CCDC171: variants seen among roughly 807,000 people sequenced by gnomAD.
The protein encoded by CCDC171 is coiled-coil domain containing 171.
In CCDC171, 177 loss-of-function variants were observed where a neutral mutation model predicts 168.2. The observed-to-expected ratio is 1.05, with a 90% CI of 0.93 to 1.19. The LOEUF (loss-of-function observed/expected upper bound fraction) is 1.19. CCDC171 is among the 50% of genes most tolerant of loss of function. CCDC171 has a pLI of 0.00. For missense variants in CCDC171, 1,991 were observed against 1,539.0 expected, an observed-to-expected ratio of 1.29 and a Z score of -4.91; for synonymous variants, 687 against 540.8, an observed-to-expected ratio of 1.27 and a Z score of -3.75.
chr9:16,007,419 A>G (rs975999519), intron 3 of CCDC171, among the ~76,000 whole-genome samples: 9 of 152,154 alleles, frequency 5.9e-5, no homozygotes, highest in African/African-American at 2.2e-4. Context: ...TTTGCTGTGC[A>G]GAAGCTCTTT....
In CCDC171 at chr9:15,595,417, C is replaced by T. The variant is rs191534436; in HGVS notation, c.675+1245C>T. Among the ~76,000 whole-genome samples the T allele has an allele frequency of 5.9e-5, 9 of 152,116 alleles. No individual in the cohort carries two copies. In the East Asian group the frequency reaches 9.7e-4, roughly 16 times the overall value. On this transcript the variant is annotated intron_variant, in intron 6 of 25. Transcript: ENST00000380701. ...TGTGGTGTTTGGTTTTTTCTCCTTG[C>T]GATAGTTTGCTGAGAATGATGGTTT...
At chr9:15,714,100 T>G (rs1187225733) in intron 11 of CCDC171, among the ~76,000 whole-genome samples, 3 of 152,194 alleles carry the variant, frequency 2.0e-5, no homozygotes, top group Non-Finnish European at 2.9e-5. Flanking sequence ...TGTCATTCTG[T>G]AAGATCCATC....
chr9:15,678,158 G>A (rs1010286386), intron 9 of CCDC171, among the ~76,000 whole-genome samples: 88 of 151,536 alleles, frequency 5.8e-4, no homozygotes, highest in Non-Finnish European at 1.3e-4. Flanking sequence ...TGATCTTCCT[G>A]CTATGGACTG....
At chr9:15,643,609 A>G (rs554728118) in intron 7 of CCDC171, among the ~76,000 whole-genome samples, 8 of 152,210 alleles carry the variant, frequency 5.3e-5, no homozygotes, top group African/African-American at 1.9e-4. Flanking sequence ...AAAGTATACA[A>G]TTCAATGCTT....
intron 18 of CCDC171, among the ~76,000 whole-genome samples, chr9:15,762,305 T>C (rs753629779): frequency 4.6e-5 from 7 of 152,006 alleles, no homozygotes; most frequent in Non-Finnish European, 8.8e-5. Context: ...TTAGAAAAAA[T>C]TTTTACCTCC....
intron 1 of CCDC171, among the ~76,000 whole-genome samples, chr9:16,046,222 A>T (rs892839398): frequency 6.6e-6 from 1 of 152,184 alleles, no homozygotes; most frequent in African/African-American, 2.4e-5. Flanking sequence ...GCTCCAACAC[A>T]TGGATGGATG....
At chr9:15,603,615 G>A (rs2043020223) in intron 6 of CCDC171, among the ~76,000 whole-genome samples, 1 of 152,114 alleles carries the variant, frequency 6.6e-6, no homozygotes, top group Non-Finnish European at 1.5e-5. Context: ...GTATTCTATG[G>A]TGTATATATA....
At chr9:15,695,437 C>T (rs2051141487) in intron 11 of CCDC171, 100 bp downstream of exon 11, 1 of 856,004 alleles carries the variant, frequency 1.2e-6, no homozygotes, top group Non-Finnish European at 2.0e-6. Context: ...CTCATCTCAA[C>T]ATGTTTTGAT....
At chr9:15,596,130 T>C (rs200061639) in intron 6 of CCDC171, among the ~76,000 whole-genome samples, 49 of 152,146 alleles carry the variant, frequency 3.2e-4, no homozygotes, top group South Asian at 8.3e-4. Context: ...TTTTGCTGTG[T>C]AGGAGCTCTT....
intron 7 of CCDC171, among the ~76,000 whole-genome samples, chr9:15,632,284 C>G (rs1321283285): frequency 6.6e-6 from 1 of 151,358 alleles, no homozygotes; most frequent in African/African-American, 2.4e-5. Flanking sequence ...ATCGTCTCAG[C>G]CCAAAATCTC....
chr9:16,087,842 A>T, the CCDC171 span, among the ~76,000 whole-genome samples: 1 of 151,990 alleles, frequency 6.6e-6, no homozygotes, highest in African/African-American at 2.4e-5. Flanking sequence ...TCATAGTGTC[A>T]ATGGTCATTA....
intron 24 of CCDC171, among the ~76,000 whole-genome samples, chr9:15,918,736 G>A (rs1428100447): frequency 2.0e-5 from 3 of 151,456 alleles, no homozygotes; most frequent in African/African-American, 7.3e-5. Context: ...TTTATGCCTA[G>A]CCTATAGTTA....
chr9:15,916,185 C>A (rs1195687285), intron 24 of CCDC171, among the ~76,000 whole-genome samples: 2 of 151,668 alleles, frequency 1.3e-5, no homozygotes, highest in African/African-American at 4.8e-5. Context: ...TTGAATCTTT[C>A]TTTTATGAGC....
intron 21 of CCDC171, among the ~76,000 whole-genome samples, chr9:15,845,177 G>A (rs1000616768): frequency 3.9e-5 from 6 of 152,042 alleles, no homozygotes; most frequent in Admixed American, 6.6e-5. Flanking sequence ...TAATGCTTTA[G>A]TGTCTTTATC....
intron 24 of CCDC171, among the ~76,000 whole-genome samples, chr9:15,913,588 A>G (rs1191226306): frequency 6.6e-6 from 1 of 151,976 alleles, no homozygotes; most frequent in Non-Finnish European, 1.5e-5. Context: ...GGGTTAGAAC[A>G]TGCTCCTTTA....
intron 10 of CCDC171, among the ~76,000 whole-genome samples, chr9:15,685,180 A>G (rs1240565213): frequency 6.6e-6 from 1 of 152,242 alleles, no homozygotes; most frequent in Non-Finnish European, 1.5e-5. Flanking sequence ...ATATGTTAAT[A>G]AAAAATTAGA....
chr9:15,769,611 A>G (rs1322056148), intron 18 of CCDC171, among the ~76,000 whole-genome samples: 6 of 152,324 alleles, frequency 3.9e-5, no homozygotes, highest in South Asian at 2.1e-4. Flanking sequence ...GCTATCACAC[A>G]TGTAGTTTAT....
At chr9:15,891,151 T>C (rs961891317) in intron 24 of CCDC171, among the ~76,000 whole-genome samples, 1 of 152,144 alleles carries the variant, frequency 6.6e-6, no homozygotes, top group Non-Finnish European at 1.5e-5. Flanking sequence ...GGATGTACTT[T>C]GCTGAAATTC....
At chr9:15,790,274 T>C (rs1340525687) in intron 21 of CCDC171, among the ~76,000 whole-genome samples, 1 of 152,226 alleles carries the variant, frequency 6.6e-6, no homozygotes, top group Admixed American at 6.5e-5. Flanking sequence ...GTTTCCTTTT[T>C]AATGATTGCC....
Sources: gnomAD v4.1 joint callset for allele counts (sites outside exome capture counted in the v4.1 genomes callset) on GRCh38, gnomAD v4.1.1 for gene constraint, MANE v1.5 for transcripts, NCBI Gene and HGNC (gene_info 2026-07-23, HGNC 2026-07-21) for gene names.